CYP4V2: variants seen among roughly 807,000 people sequenced by gnomAD.
The protein encoded by CYP4V2 is cytochrome P450 4V2.
CYP4V2 carries 55 observed loss-of-function variants against 60.8 expected under a neutral mutation model. The ratio of observed to expected loss-of-function variants is 0.90; its 90% confidence interval spans 0.73 to 1.13. The LOEUF is 1.13. CYP4V2 is among the 50% of genes most tolerant of loss of function. The pLI, the probability that CYP4V2 is intolerant of heterozygous loss-of-function variation, is 0.00. For synonymous variants in CYP4V2, 239 were observed against 236.8 expected, an observed-to-expected ratio of 1.01 and a Z score of -0.08; for missense variants, 675 against 662.9, an observed-to-expected ratio of 1.02 and a Z score of -0.20.
chr4:186,202,950 A>G (rs151270316), intron 7 of CYP4V2: 2 of 152,228 alleles, frequency 1.3e-5, no homozygotes, highest in East Asian at 3.9e-4. Flanking sequence ...ATACATGCAC[A>G]CACCACCCCC....
At chr4:186,200,334 C>G (rs914325926) in intron 6 of CYP4V2, among the ~76,000 whole-genome samples, 2 of 152,128 alleles carry the variant, frequency 1.3e-5, no homozygotes, top group African/African-American at 4.8e-5. Flanking sequence ...GTGTATTGGC[C>G]TTCATTCTTT....
At position 186,197,439 on chromosome 4, in the gene CYP4V2, AG is replaced by A. The variant is rs2126585550; in HGVS notation, c.605-92del. The A allele has an allele frequency of 3.3e-6, 4 of 1,225,204 alleles. No homozygotes were observed. The South Asian group carries it at 4.9e-5, about 15-fold the overall frequency. 75.9% of individuals were successfully genotyped at this position (1,225,204 alleles called of 1,614,324 possible). ...ATTCTGAAATATACAAGGACAAAGC[AG>A]GATGTACGTCTTTAGTGTCTGCCGC... On this transcript the variant is annotated intron_variant, in intron 4 of 10. Coordinates refer to ENST00000378802, the MANE Select transcript of CYP4V2 (RefSeq NM_207352.4).
At chr4:186,192,089 C>G (rs1482678494) in intron 1 of CYP4V2, 52 bp downstream of exon 1, 1 of 1,531,604 alleles carries the variant, frequency 6.5e-7, no homozygotes, top group Non-Finnish European at 8.8e-7. Context: ...GCCCCGTTCC[C>G]ACCCTCCGAT....
At position 186,197,529 on chromosome 4, in the gene CYP4V2, A is replaced by G. The variant is rs779063197; in HGVS notation, c.605-4A>G. ...AATGGTTGCTTCTCACCCATATTTT[A>G]TAGAAACAGCTATGGGGAAGAATAT... On this transcript the variant is annotated splice_region_variant and splice_polypyrimidine_tract_variant and intron_variant, in intron 4 of 10. Transcript: ENST00000378802. 5.6e-6 allele frequency: 9 copies of G among 1,614,186 alleles called. No homozygotes were observed. The highest frequency in any genetic ancestry group is 7.6e-6 in the Non-Finnish European group (9 of 1,179,990).
chr4:186,210,728 A>G lies in CYP4V2; in HGVS notation c.*87A>G, dbSNP rs1736690140. 1 of 1,508,176 alleles carries G rather than the reference A, an allele frequency of 6.6e-7. No individual in the cohort carries two copies. The highest frequency in any genetic ancestry group is 9.1e-7 in the Non-Finnish European group (1 of 1,098,264). 93.4% of individuals were successfully genotyped at this position (1,508,176 alleles called of 1,614,324 possible). A position where few individuals can be genotyped will look rare whatever the true frequency, so the allele number is the denominator to read the frequency against. On this transcript the variant is annotated 3_prime_UTR_variant, in exon 11 of 11. Transcript: ENST00000378802. Reference sequence around the variant, plus strand: ...TTTACAATTTACAGATCATGAGTTCAATATGCTTGAATCCCCTAGACCTAA... The same window carrying G: ...TTTACAATTTACAGATCATGAGTTCGATATGCTTGAATCCCCTAGACCTAA...
chr4:186,205,416 A>G (rs1736469144), intron 8 of CYP4V2, 114 bp downstream of exon 8: 2 of 1,044,294 alleles, frequency 1.9e-6, no homozygotes, highest in Middle Eastern at 4.0e-4. Flanking sequence ...GATCCTTTCC[A>G]GTACCATCCC....
At position 186,191,613 on chromosome 4, in the gene CYP4V2, G is replaced by C. The variant is rs13133462; in HGVS notation, c.-211G>C. The C allele has an allele frequency of 2.8e-6, 1 of 354,438 alleles. No homozygotes were observed. The highest frequency in any genetic ancestry group is 4.9e-6 in the Non-Finnish European group (1 of 205,124). 22.0% of individuals were successfully genotyped at this position (354,438 alleles called of 1,614,324 possible). On this transcript the variant is annotated 5_prime_UTR_variant, in exon 1 of 11. Transcript: ENST00000378802. The stretch of plus-strand genomic sequence containing the variant: ...GGCGTGGAGGCCGCGGTGCTGCGTA[G>C]GCCGGGCCGGGCGCAGGAACAGCCC...
At position 186,212,954 on chromosome 4, in the gene CYP4V2, A is replaced by G. The variant is rs1435401844; in HGVS notation, c.*2313A>G. The G allele has an allele frequency of 5.3e-5, 8 of 152,250 alleles. No homozygotes were observed. The highest frequency in any genetic ancestry group is 1.2e-4 in the Non-Finnish European group (8 of 68,032). The allele number at this position is 152,250 out of a possible 1,614,324, so 9.4% of individuals were successfully genotyped here. A position where few individuals can be genotyped will look rare whatever the true frequency, so the allele number is the denominator to read the frequency against. ...GGTTAATCTTATTTAGAAAATGGGC[A>G]TATTAGAAAAAGTCCTTCCAAGATG... On this transcript the variant is annotated 3_prime_UTR_variant, in exon 11 of 11. Coordinates refer to ENST00000378802, the MANE Select transcript of CYP4V2 (RefSeq NM_207352.4).
rs1736190799 is a variant in CYP4V2, at chr4:186,197,595, G to A, written c.667G>A (p.Val223Ile). 1.2e-6 allele frequency: 2 copies of A among 1,614,146 alleles called. No individual in the cohort carries two copies. Among genetic ancestry groups the A allele is most frequent in the Non-Finnish European group, 1.7e-6 (2 of 1,179,984 alleles). Residue 223 changes from valine (V) to isoleucine (I), a missense_variant, in exon 5 of 11, where the codon GTT becomes ATT. Val to Ile is a conservative substitution (Grantham distance 29, BLOSUM62 3). Coordinates refer to ENST00000378802, the MANE Select transcript of CYP4V2 (RefSeq NM_207352.4). ...TGATGATTCCGAGTATGTCCGTGCA[G>A]TTTATAGGTAAATGGAGTCCTTTCA... Reference protein sequence around the residue: ...SNDDSEYVRAVYRMSEMIFRR... With the variant: ...SNDDSEYVRAIYRMSEMIFRR...
At position 186,194,581 on chromosome 4, in the gene CYP4V2, T is replaced by C. The variant is rs751065501; in HGVS notation, c.296T>C (p.Met99Thr). 6.3e-5 allele frequency: 102 copies of C among 1,614,062 alleles called. No individual in the cohort carries two copies. The highest frequency in any genetic ancestry group is 8.3e-5 in the Admixed American group (5 of 60,014). ...AAGCTCTGGGTCGGGCCAGTGCCCA[T>C]GGTGGCCCTTTATAATGCAGAAAAT... ...LLKLWVGPVP[M>T]VALYNAENVE... Residue 99 changes from methionine to threonine, a missense_variant, in exon 2 of 11, where the codon ATG becomes ACG. Coordinates refer to ENST00000378802, the MANE Select transcript of CYP4V2 (RefSeq NM_207352.4).
chr4:186,210,317 C>G (rs1736668538), intron 10 of CYP4V2, 152 bp from the exon 11 acceptor site: 1 of 910,624 alleles, frequency 1.1e-6, no homozygotes, highest in Non-Finnish European at 1.7e-6. Context: ...ACTCAAGACT[C>G]TTCATCTTTA....
intron 10 of CYP4V2, among the ~76,000 whole-genome samples, chr4:186,209,785 G>A (rs72646295): frequency 1.1e-4 from 17 of 152,232 alleles, no homozygotes; most frequent in Admixed American, 2.0e-4. Flanking sequence ...GTATGGGGGG[G>A]GCTTAGAATT....
chr4:186,196,157 A>G (rs908705133), intron 3 of CYP4V2, 69 bp downstream of exon 3: 21 of 1,322,334 alleles, frequency 1.6e-5, no homozygotes, highest in Non-Finnish European at 2.1e-5. Flanking sequence ...TGTTATTTCA[A>G]GAATTAACAC....
At chr4:186,201,537 T>C (rs778584598) in intron 7 of CYP4V2, 195 bp downstream of exon 7, 32 of 603,088 alleles carry the variant, frequency 5.3e-5, no homozygotes, top group Non-Finnish European at 7.5e-5. Flanking sequence ...CGATTTTGAC[T>C]AGTGCTGGGC....
rs1349545179 is a variant in CYP4V2, at chr4:186,212,955, T to C, written c.*2314T>C. The stretch of plus-strand genomic sequence containing the variant: ...GTTAATCTTATTTAGAAAATGGGCA[T>C]ATTAGAAAAAGTCCTTCCAAGATGA... On this transcript the variant is annotated 3_prime_UTR_variant, in exon 11 of 11. Transcript: ENST00000378802. 1 of 152,230 alleles carries C rather than the reference T, an allele frequency of 6.6e-6. No individual in the cohort carries two copies. Among genetic ancestry groups the C allele is most frequent in the Admixed American group, 6.5e-5 (1 of 15,280 alleles). The allele number at this position is 152,230 out of a possible 1,614,324, so 9.4% of individuals were successfully genotyped here.
Position 186,210,785 on chromosome 4 carries a change from A to C in CYP4V2, c.*144A>C. On this transcript the variant is annotated 3_prime_UTR_variant, in exon 11 of 11. Transcript: ENST00000378802. ...CTTGATCCCACTGATCTTGACATCAAGTCTAACAAAGAAAAAGTTTTGAGT... is the reference window on the plus strand; with the variant it reads ...CTTGATCCCACTGATCTTGACATCACGTCTAACAAAGAAAAAGTTTTGAGT... 1 of 925,166 alleles carries C rather than the reference A, an allele frequency of 1.1e-6. No individual in the cohort carries two copies. The highest frequency in any genetic ancestry group is 1.6e-6 in the Non-Finnish European group (1 of 617,478). 57.3% of individuals were successfully genotyped at this position (925,166 alleles called of 1,614,324 possible). A position where few individuals can be genotyped will look rare whatever the true frequency, so the allele number is the denominator to read the frequency against.
intron 8 of CYP4V2, among the ~76,000 whole-genome samples, chr4:186,206,850 TC>T (rs1165574207): frequency 6.6e-6 from 1 of 152,242 alleles, no homozygotes; most frequent in East Asian, 1.9e-4. Flanking sequence ...CATCATTTTA[TC>T]TTTTTAACAC....
chr4:186,206,658 C>G (rs1205795595), intron 8 of CYP4V2, among the ~76,000 whole-genome samples: 1 of 152,156 alleles, frequency 6.6e-6, no homozygotes, highest in Non-Finnish European at 1.5e-5. Flanking sequence ...GGAAAGGTTT[C>G]TGGCATGGAG....
chr4:186,208,734 C>T (rs764478795), intron 8 of CYP4V2, 131 bp from the exon 9 acceptor site: 156 of 1,282,656 alleles, frequency 1.2e-4, no homozygotes, highest in Non-Finnish European at 1.7e-4. Flanking sequence ...CCTTGATCCA[C>T]GTGTTCTTCT....
Sources: allele counts gnomAD v4.1 joint callset (sites outside exome capture counted in the v4.1 genomes callset), GRCh38; gene constraint gnomAD v4.1.1; transcripts MANE v1.5; gene names NCBI Gene and HGNC (gene_info 2026-07-23, HGNC 2026-07-21).